ARHGAP33: variants seen among roughly 807,000 people sequenced by gnomAD.
ARHGAP33 encodes the protein Rho GTPase activating protein 33.
ARHGAP33 carries 57 observed loss-of-function variants against 126.2 expected under a neutral mutation model. The ratio of observed to expected loss-of-function variants is 0.45; its 90% confidence interval spans 0.36 to 0.56. ARHGAP33 has a LOEUF of 0.56. Ranked by LOEUF, ARHGAP33 falls within the 20% of genes least tolerant of loss-of-function variation. The pLI, the probability that ARHGAP33 is intolerant of heterozygous loss-of-function variation, is 0.00. For missense variants in ARHGAP33, 1,500 were observed against 1,748.3 expected, an observed-to-expected ratio of 0.86 and a Z score of 2.53; for synonymous variants, 711 against 755.0, an observed-to-expected ratio of 0.94 and a Z score of 0.95.
intron 15 of ARHGAP33, among the ~76,000 whole-genome samples, chr19:35,783,384 A>G (rs909853055): frequency 1.3e-5 from 2 of 152,228 alleles, no homozygotes; most frequent in Non-Finnish European, 2.9e-5. Context: ...AAAATAAACG[A>G]GAAAGGCCAG....
In ARHGAP33 at chr19:35,785,034, C is replaced by T. The variant is rs1161163153; in HGVS notation, c.1649C>T (p.Ala550Val). Residue 550 changes from alanine (A) to valine (V), a missense_variant, in exon 17 of 21, where the codon GCA becomes GTA. By Grantham distance (64) the Ala-to-Val change is moderately conservative. Around this residue, in one of 6 missense-constraint regions of ARHGAP33, gnomAD observed 300 missense variants for 291.1 expected, o/e 1.03. Coordinates refer to ENST00000007510, the MANE Select transcript of ARHGAP33 (RefSeq NM_001366178.1). ...TRLLTLEEAQ[A>V]RTQGRLGTPT... The stretch of plus-strand genomic sequence containing the variant: ...CTGCTGACGCTGGAGGAAGCCCAGG[C>T]ACGCACCCAGGGCCGGCTGGGGACG... 6.4e-7 allele frequency: 1 copy of T among 1,552,248 alleles called. No individual in the cohort carries two copies.
chr19:35,787,123 T>C, intron 20 of ARHGAP33, 45 bp from the exon 21 acceptor site: 1 of 1,603,128 alleles, frequency 6.2e-7, no homozygotes, highest in Non-Finnish European at 8.5e-7. Context: ...TCACTGACTC[T>C]GAGGGCCTGG....
At position 35,780,303 on chromosome 19, in the gene ARHGAP33, A is replaced by G. The variant is rs1447826225; in HGVS notation, c.594A>G (p.Thr198=). 2 of 1,613,700 alleles carry G rather than the reference A, an allele frequency of 1.2e-6. No homozygotes were observed. The highest frequency in any genetic ancestry group is 4.5e-5 in the East Asian group (2 of 44,884). Residue 198 remains threonine (T), a synonymous_variant, in exon 7 of 21, where the codon ACA becomes ACG. Transcript: ENST00000007510. ...CCGCCCATGTGATCAAACGGTATAC[A>G]GCCCAGGCGCCAGATGAGCTGTCCT... ...VAAAHVIKRY[T]AQAPDELSFE...
Position 35,787,359 on chromosome 19 carries a change from C to T in ARHGAP33, c.2794C>T (p.His932Tyr). The T allele has an allele frequency of 6.2e-7, 1 of 1,610,584 alleles. No individual in the cohort carries two copies. The highest frequency in any genetic ancestry group is 8.5e-7 in the Non-Finnish European group (1 of 1,178,212). Residue 932 changes from histidine to tyrosine, a missense_variant, in exon 21 of 21, where the codon CAC (histidine) becomes TAC (tyrosine). By Grantham distance (83) the His-to-Tyr change is moderately conservative (BLOSUM62 2). Coordinates refer to ENST00000007510, the MANE Select transcript of ARHGAP33 (RefSeq NM_001366178.1). Reference sequence around the variant, plus strand: ...CCCACCTGCTTCCCAATCCCCCTTCCACCGCTCGCTGTCTCTGGAGGTGGG... The same window carrying T: ...CCCACCTGCTTCCCAATCCCCCTTCTACCGCTCGCTGTCTCTGGAGGTGGG... ...GTPPASQSPF[H>Y]RSLSLEVGGE... is the part of the protein sequence containing the mutation.
chr19:35,785,587 G>A (rs1182886356), intron 19 of ARHGAP33, 104 bp downstream of exon 19: 28 of 1,548,466 alleles, frequency 1.8e-5, no homozygotes, highest in Non-Finnish European at 2.3e-5. Flanking sequence ...ACATTTGGGG[G>A]CCCTGGGGCT....
rs374817382 is a variant in ARHGAP33, at chr19:35,788,200, C to T, written c.3635C>T (p.Ala1212Val). 47 of 1,608,296 alleles carry T rather than the reference C, an allele frequency of 2.9e-5. No individual in the cohort carries two copies. The African/African-American group carries it at 5.5e-4, about 19-fold the overall frequency. Reference protein sequence around the residue: ...PVPRLPQKQRAPWGPRTPHRV... With the variant: ...PVPRLPQKQRVPWGPRTPHRV... ...CCCCGCCTTCCCCAGAAACAACGGG[C>T]ACCCTGGGGACCCCGTACCCCTCAT... is the stretch of plus-strand genomic sequence containing the variant. Residue 1212 changes from alanine to valine, a missense_variant, in exon 21 of 21, where the codon GCA becomes GTA. This residue lies in a region of ARHGAP33 where 642 missense variants were observed against 634.0 expected (regional missense o/e 1.01). Transcript: ENST00000007510.
chr19:35,784,743 C>T (rs1285613805), intron 16 of ARHGAP33: 6 of 1,354,950 alleles, frequency 4.4e-6, no homozygotes, highest in East Asian at 3.1e-5. Context: ...CGCTGGCTGC[C>T]GGGAGCTGCC....
At position 35,788,052 on chromosome 19, in the gene ARHGAP33, A is replaced by G; in HGVS notation, c.3487A>G (p.Thr1163Ala). The G allele has an allele frequency of 1.3e-6, 2 of 1,567,022 alleles. No individual in the cohort carries two copies. The highest frequency in any genetic ancestry group is 1.5e-5 in the African/African-American group (1 of 68,940). Reference sequence around the variant, plus strand: ...CCCCCAGCACCCTGCTCGGCGCCCTACACCGCCTGAGCCCCTCTACGTCAA... The same window carrying G: ...CCCCCAGCACCCTGCTCGGCGCCCTGCACCGCCTGAGCCCCTCTACGTCAA... ...SAPQHPARRPTPPEPLYVNLA... is the reference protein window; with the variant it reads ...SAPQHPARRPAPPEPLYVNLA... Residue 1163 changes from threonine to alanine, a missense_variant, in exon 21 of 21, where the codon ACA becomes GCA. Around this residue, in one of 6 missense-constraint regions of ARHGAP33, gnomAD observed 642 missense variants for 634.0 expected, o/e 1.01. Transcript: ENST00000007510.
In ARHGAP33 at chr19:35,775,613, G is replaced by A. The variant is rs973383367; in HGVS notation, c.-46G>A. 6 of 1,500,304 alleles carry A rather than the reference G, an allele frequency of 4.0e-6. No individual in the cohort carries two copies. Among genetic ancestry groups the A allele is most frequent in the South Asian group, 2.5e-5 (2 of 78,750 alleles). 92.9% of individuals were successfully genotyped at this position (1,500,304 alleles called of 1,614,324 possible). A position where few individuals can be genotyped will look rare whatever the true frequency, so the allele number is the denominator to read the frequency against. On this transcript the variant is annotated 5_prime_UTR_variant, in exon 1 of 21. Coordinates refer to ENST00000007510, the MANE Select transcript of ARHGAP33 (RefSeq NM_001366178.1). ...CGGCGGCAGCGGCGACGAGAACGGCGAGCGAGGGGTCGAGCGCGGCCGGGG... is the reference window on the plus strand; with the variant it reads ...CGGCGGCAGCGGCGACGAGAACGGCAAGCGAGGGGTCGAGCGCGGCCGGGG...
In ARHGAP33 at chr19:35,786,515, C is replaced by T. The variant is rs1972116940; in HGVS notation, c.2045C>T (p.Ser682Phe). The change falls in exon 20 of 21, where the codon TCC becomes TTC. Residue 682 changes from serine to phenylalanine, a missense_variant. By Grantham distance (155) the Ser-to-Phe change is radical (BLOSUM62 -2). Around this residue, in one of 6 missense-constraint regions of ARHGAP33, gnomAD observed 300 missense variants for 291.1 expected, o/e 1.03. Coordinates refer to ENST00000007510, the MANE Select transcript of ARHGAP33 (RefSeq NM_001366178.1). The surrounding 1 kb of genome is among the most constrained non-coding windows in gnomAD (Gnocchi z 7.0). Reference sequence around the variant, plus strand: ...TCCTGCGAGAGCCTGTCCTCGTCCTCCTCCTCCGAGTCCTCCTCCTCTGAG... The same window carrying T: ...TCCTGCGAGAGCCTGTCCTCGTCCTTCTCCTCCGAGTCCTCCTCCTCTGAG... Reference protein sequence around the residue: ...AGSCESLSSSSSSESSSSESS... With the variant: ...AGSCESLSSSFSSESSSSESS... 2 of 1,535,686 alleles carry T rather than the reference C, an allele frequency of 1.3e-6. No individual in the cohort carries two copies. Among genetic ancestry groups the T allele is most frequent in the African/African-American group, 2.7e-5 (2 of 73,004 alleles).
intron 16 of ARHGAP33, 30 bp from the exon 17 acceptor site, chr19:35,784,923 T>G: frequency 2.0e-6 from 3 of 1,522,302 alleles, no homozygotes; most frequent in South Asian, 2.4e-5. Context: ...GCCCCAGAGC[T>G]GACAGCTGCC....
Position 35,787,202 on chromosome 19 carries a change from CCT to C in ARHGAP33, c.2638_2639del (p.Leu880ValfsTer14). 1 of 1,611,212 alleles carries C rather than the reference CCT, an allele frequency of 6.2e-7. No homozygotes were observed. Among genetic ancestry groups the C allele is most frequent in the Non-Finnish European group, 8.5e-7 (1 of 1,179,128 alleles). ...TGGAGTCACCACTGCCACCCCCTCC[CCT>C]GTCTCTCCTGCGCCCTGGGGGTGCC... ...DMESPLPPPP[L>X]SLLRPGGAPP... On this transcript the variant is annotated frameshift_variant, in exon 21 of 21. Coordinates refer to ENST00000007510, the MANE Select transcript of ARHGAP33 (RefSeq NM_001366178.1). LOFTEE classifies it high-confidence loss of function.
Position 35,788,574 on chromosome 19 carries a change from A to G in ARHGAP33, c.*145A>G, listed in dbSNP as rs1260592145. The G allele has an allele frequency of 2.9e-6, 2 of 693,212 alleles. No individual in the cohort carries two copies. Among genetic ancestry groups the G allele is most frequent in the Non-Finnish European group, 2.3e-6 (1 of 442,520 alleles). 42.9% of individuals were successfully genotyped at this position (693,212 alleles called of 1,614,324 possible). ...AACTTGCTTCTGATGTGGGTCCCTAACCTATAATCTCAGCTTCCCTACCCT... is the reference window on the plus strand; with the variant it reads ...AACTTGCTTCTGATGTGGGTCCCTAGCCTATAATCTCAGCTTCCCTACCCT... On this transcript the variant is annotated 3_prime_UTR_variant, in exon 21 of 21. Transcript: ENST00000007510.
At position 35,782,549 on chromosome 19, in the gene ARHGAP33, C is replaced by T; in HGVS notation, c.1230+32C>T. 6.2e-7 allele frequency: 1 copy of T among 1,613,366 alleles called. No individual in the cohort carries two copies. The stretch of plus-strand genomic sequence containing the variant: ...AAGGGAGCTGGCGGGACGGAGGGGG[C>T]CGGGACGCCTCTGGCCCAGACCTCA... On this transcript the variant is annotated intron_variant, in intron 13 of 20. Coordinates refer to ENST00000007510, the MANE Select transcript of ARHGAP33 (RefSeq NM_001366178.1). This position sits in a 1 kb window ranked among gnomAD's most constrained non-coding sequence, Gnocchi z 4.1.
In ARHGAP33 at chr19:35,775,584, A is replaced by T. The variant is rs1476343329; in HGVS notation, c.-75A>T. The T allele has an allele frequency of 2.8e-6, 4 of 1,452,876 alleles. No homozygotes were observed. The Admixed American group carries it at 7.9e-5, about 29-fold the overall frequency. The allele number at this position is 1,452,876 out of a possible 1,614,324, so 90.0% of individuals were successfully genotyped here. The stretch of plus-strand genomic sequence containing the variant: ...CTCGCGCCCTCCCCTTTGTGTCGCC[A>T]TGGCGGCGGCAGCGGCGACGAGAAC... On this transcript the variant is annotated 5_prime_UTR_variant, in exon 1 of 21. It removes an upstream start codon present in the reference 5' UTR. Coordinates refer to ENST00000007510, the MANE Select transcript of ARHGAP33 (RefSeq NM_001366178.1).
At chr19:35,784,347 C>A in intron 16 of ARHGAP33, 30 bp downstream of exon 16, 1 of 1,525,992 alleles carries the variant, frequency 6.6e-7, no homozygotes, top group Non-Finnish European at 8.8e-7. Context: ...GAGGTCCTGG[C>A]TACTGCCCAC....
At chr19:35,776,344 C>G (rs1250736052) in intron 1 of ARHGAP33, among the ~76,000 whole-genome samples, 1 of 151,970 alleles carries the variant, frequency 6.6e-6, no homozygotes, top group African/African-American at 2.4e-5. Context: ...ATGCTGCTCC[C>G]GCTCATTCAT....
intron 3 of ARHGAP33, 55 bp downstream of exon 3, chr19:35,777,963 T>C: frequency 1.9e-6 from 3 of 1,579,968 alleles, no homozygotes; most frequent in Non-Finnish European, 1.7e-6. Flanking sequence ...TACCCAACCT[T>C]GCAACGATAT....
Position 35,784,944 on chromosome 19 carries a change from ACTCCCCAGGCCGCTGCCTG to A in ARHGAP33, c.1571_1589del (p.Arg524ProfsTer14). ...GAGCTGACAGCTGCCCCCTTTCCACACTCCCCAGGCCGCTGCCTGCTCCCCAGGCCCAAGTCCCTTGCGG... is the reference window on the plus strand; with the variant it reads ...GAGCTGACAGCTGCCCCCTTTCCACACTCCCCAGGCCCAAGTCCCTTGCGG... On this transcript the variant is annotated splice_acceptor_variant and splice_polypyrimidine_tract_variant and coding_sequence_variant and intron_variant, in exon 17 of 21. Coordinates refer to ENST00000007510, the MANE Select transcript of ARHGAP33 (RefSeq NM_001366178.1). LOFTEE classifies it high-confidence loss of function. 5 of 1,531,000 alleles carry A rather than the reference ACTCCCCAGGCCGCTGCCTG, an allele frequency of 3.3e-6. No individual in the cohort carries two copies. The highest frequency in any genetic ancestry group is 2.0e-5 in the Admixed American group (1 of 50,160). 94.8% of individuals were successfully genotyped at this position (1,531,000 alleles called of 1,614,324 possible). A position where few individuals can be genotyped will look rare whatever the true frequency, so the allele number is the denominator to read the frequency against.
Sources: allele counts gnomAD v4.1 joint callset (sites outside exome capture counted in the v4.1 genomes callset), GRCh38; gene constraint gnomAD v4.1.1; regional missense constraint gnomAD v4.1.1; non-coding constraint Gnocchi (gnomAD v3.1); transcripts MANE v1.5; gene names NCBI Gene and HGNC (gene_info 2026-07-23, HGNC 2026-07-21).